Variants in PARP14 observed in about 807,000 individuals in gnomAD.
The protein encoded by PARP14 is protein mono-ADP-ribosyltransferase PARP14.
Under a neutral mutation model 154.2 loss-of-function variants are expected in PARP14, and 59 were observed. The ratio of observed to expected loss-of-function variants is 0.38; its 90% CI spans 0.31 to 0.48. The LOEUF is 0.48. PARP14 is among the 20% of genes least tolerant of loss of function. PARP14 has a pLI of 0.98. For synonymous variants in PARP14, 720 were observed against 780.5 expected (o/e 0.92, Z 1.29); for missense variants, 1,734 against 2,131.6 (o/e 0.81, Z 3.67).
chr3:122,703,310 A>C (rs1939047312), intron 6 of PARP14, among the ~76,000 whole-genome samples: 1 of 152,104 alleles, frequency 6.6e-6, no homozygotes, highest in South Asian at 2.1e-4. Flanking sequence ...CCCCAGTGTA[A>C]CATTTCTAGC....
At chr3:122,704,981 A>G (rs185395607) in intron 8 of PARP14, among the ~76,000 whole-genome samples, 6 of 152,374 alleles carry the variant, frequency 3.9e-5, no homozygotes, top group Non-Finnish European at 7.4e-5. Flanking sequence ...AAAAGTAGAC[A>G]TAATAGTATA....
Position 122,718,407 on chromosome 3 carries a change from T to A in PARP14, c.4256T>A (p.Val1419Asp). Residue 1419 changes from valine (V) to aspartate (D), a missense_variant, in exon 14 of 17, where the codon GTT becomes GAT. Transcript: ENST00000474629. ...KQSPQKKNHL[V>D]LEKKTESATF... ...TCTCCCCAAAAAAAGAATCATTTGG[T>A]TTTGGAAAAGAAAACAGAATCAGCA... The A allele has an allele frequency of 6.2e-7, 1 of 1,613,126 alleles. No homozygotes were observed. The highest frequency in any genetic ancestry group is 2.2e-5 in the East Asian group (1 of 44,880).
chr3:122,728,900 C>T lies in PARP14; in HGVS notation c.*303C>T, dbSNP rs1560089989. On this transcript the variant is annotated 3_prime_UTR_variant, in exon 17 of 17. Coordinates refer to ENST00000474629, the MANE Select transcript of PARP14 (RefSeq NM_017554.3). ...TGTATTTTCAGGAAGGAGAGAATAA[C>T]AGTCTTATAGACAGAGGGCACAGCT... The T allele has an allele frequency of 1.2e-5, 4 of 336,698 alleles. No individual in the cohort carries two copies. Among genetic ancestry groups the T allele is most frequent in the Non-Finnish European group, 2.3e-5 (4 of 177,552 alleles). The allele number at this position is 336,698 out of a possible 1,614,324, so 20.9% of individuals were successfully genotyped here.
chr3:122,725,360 C>G, intron 15 of PARP14, among the ~76,000 whole-genome samples: 1 of 150,356 alleles, frequency 6.7e-6, no homozygotes, highest in South Asian at 2.1e-4. Context: ...AGGTGCTCCC[C>G]ACCTCCCAGA....
rs1305842763 is a variant in PARP14, at chr3:122,704,680, A to G, written c.3472A>G (p.Lys1158Glu). The G allele has an allele frequency of 6.2e-7, 1 of 1,607,718 alleles. No individual in the cohort carries two copies. Among genetic ancestry groups the G allele is most frequent in the Non-Finnish European group, 8.5e-7 (1 of 1,176,588 alleles). ...IISEVFKFSS[K>E]NQLKTLQEVH... ...TTCAGAGGTGTTCAAATTTAGTAGC[A>G]AGAATCAGCTGAAAACTTTACAAGA... The change falls in exon 8 of 17, where the codon AAG (lysine) becomes GAG (glutamate). Residue 1158 changes from lysine to glutamate, a missense_variant. By Grantham distance (56) the Lys-to-Glu change is moderately conservative. Transcript: ENST00000474629.
chr3:122,714,996 T>C (rs559893083), intron 12 of PARP14, among the ~76,000 whole-genome samples: 1 of 152,342 alleles, frequency 6.6e-6, no homozygotes, highest in Admixed American at 6.5e-5. Context: ...CTTTCCTCTT[T>C]TCAGCCTACT....
chr3:122,682,141 C>A (rs558388705), intron 1 of PARP14, among the ~76,000 whole-genome samples: 3 of 152,160 alleles, frequency 2.0e-5, no homozygotes, highest in African/African-American at 4.8e-5. Context: ...CTTATGAAAA[C>A]AAAATACCAT....
At chr3:122,716,534 G>A (rs200201557) in intron 12 of PARP14, among the ~76,000 whole-genome samples, 5 of 152,286 alleles carry the variant, frequency 3.3e-5, no homozygotes, top group South Asian at 4.1e-4. Context: ...GCAATGCAAC[G>A]TGAACCATGA....
chr3:122,714,024 C>A, intron 11 of PARP14, 90 bp downstream of exon 11: 2 of 955,592 alleles, frequency 2.1e-6, no homozygotes, highest in Middle Eastern at 2.1e-4. Flanking sequence ...GGGGAGACAA[C>A]ACTCTAATTT....
At chr3:122,716,719 G>A (rs181898323) in intron 12 of PARP14, among the ~76,000 whole-genome samples, 74 of 152,056 alleles carry the variant, frequency 4.9e-4, no homozygotes, top group African/African-American at 6.3e-4. Context: ...TTATTACAGC[G>A]TCCTAACTAG....
rs761949252 is a variant in PARP14, at chr3:122,680,907, G to C, written c.24G>C (p.Pro8=). The C allele has an allele frequency of 6.2e-7, 1 of 1,610,480 alleles. No individual in the cohort carries two copies. Among genetic ancestry groups the C allele is most frequent in the South Asian group, 1.1e-5 (1 of 90,392 alleles). The part of the protein sequence containing the change: MAVPGSF[P]LLVEGSWGPD... Reference sequence around the variant, plus strand: ...GGATGGCTGTGCCCGGCTCCTTCCCGCTGCTGGTCGAGGGCTCCTGGGGCC... The same window carrying C: ...GGATGGCTGTGCCCGGCTCCTTCCCCCTGCTGGTCGAGGGCTCCTGGGGCC... The change falls in exon 1 of 17, where the codon CCG becomes CCC. Residue 8 remains proline (P), a synonymous_variant. Coordinates refer to ENST00000474629, the MANE Select transcript of PARP14 (RefSeq NM_017554.3).
At chr3:122,702,993 T>TAAAAAAAAAAAAAAAAAAAAAAAAAAA (rs10707029) in intron 6 of PARP14, among the ~76,000 whole-genome samples, 1 of 83,948 alleles carries the variant, frequency 1.2e-5, no homozygotes, top group Non-Finnish European at 2.4e-5. Context: ...CCCTCTCTCT[T>TAAAAAAAAAAAAAAAAAAAAAAAAAAA]AAAAAAAAAA....
At chr3:122,702,521 G>A (rs1157898422) in intron 6 of PARP14, among the ~76,000 whole-genome samples, 2 of 152,176 alleles carry the variant, frequency 1.3e-5, no homozygotes, top group Admixed American at 6.5e-5. Context: ...TGTCCAGCCA[G>A]CACTGTGCTG....
intron 4 of PARP14, among the ~76,000 whole-genome samples, chr3:122,693,550 A>G (rs1042054212): frequency 1.3e-4 from 20 of 152,226 alleles, no homozygotes; most frequent in Non-Finnish European, 1.2e-4. Context: ...AAAAGTACTT[A>G]ACATAGGGCC....
rs1354537093 is a variant in PARP14, at chr3:122,718,097, G to T, written c.4027G>T (p.Val1343Phe). The T allele has an allele frequency of 6.2e-7, 1 of 1,613,672 alleles. No homozygotes were observed. Among genetic ancestry groups the T allele is most frequent in the African/African-American group, 1.3e-5 (1 of 74,870 alleles). ...TGNAKQHPDK[V>F]AEAIIDAIED... Reference sequence around the variant, plus strand: ...AAATGCCAAACAACACCCAGATAAGGTTGCTGAAGCCATAATTGATGCCAT... The same window carrying T: ...AAATGCCAAACAACACCCAGATAAGTTTGCTGAAGCCATAATTGATGCCAT... Residue 1343 changes from valine (V) to phenylalanine (F), a missense_variant, in exon 13 of 17, where the codon GTT (valine) becomes TTT (phenylalanine). Transcript: ENST00000474629.
At position 122,720,867 on chromosome 3, in the gene PARP14, G is replaced by A. The variant is rs536200987; in HGVS notation, c.4941+479G>A. On this transcript the variant is annotated intron_variant, in intron 15 of 16. Coordinates refer to ENST00000474629, the MANE Select transcript of PARP14 (RefSeq NM_017554.3). ...TCGTGCCTGTAGTCCCAGCTATTGG[G>A]AGGCTGAGGTGGAAGGATTGCATGA... 7.3e-4 allele frequency: 334 copies of A among 456,758 alleles called. 4 individuals carry two copies. The highest frequency in any genetic ancestry group is 5.0e-3 in the South Asian group (325 of 64,558). The allele number at this position is 456,758 out of a possible 1,614,324, so 28.3% of individuals were successfully genotyped here. A position where few individuals can be genotyped will look rare whatever the true frequency, so the allele number is the denominator to read the frequency against.
chr3:122,688,118 CT>C (rs1938428853), intron 3 of PARP14, among the ~76,000 whole-genome samples: 1 of 151,756 alleles, frequency 6.6e-6, no homozygotes. Flanking sequence ...GTAATTCCTG[CT>C]TTCCATTCCT....
chr3:122,699,073 A>G (rs1010312250), intron 5 of PARP14, among the ~76,000 whole-genome samples: 1 of 152,230 alleles, frequency 6.6e-6, no homozygotes, highest in African/African-American at 2.4e-5. Flanking sequence ...GAAAGTAATT[A>G]TTCCATTCAA....
chr3:122,695,935 G>C (rs956046602), intron 5 of PARP14, among the ~76,000 whole-genome samples: 3 of 152,108 alleles, frequency 2.0e-5, no homozygotes, highest in African/African-American at 7.2e-5. Context: ...TGGGATCTTT[G>C]AAATAATATA....
Sources: allele counts gnomAD v4.1 joint callset (sites outside exome capture counted in the v4.1 genomes callset), GRCh38; gene constraint gnomAD v4.1.1; transcripts MANE v1.5; gene names NCBI Gene and HGNC (gene_info 2026-07-23, HGNC 2026-07-21).